Variants in ZMYM6 observed in about 807,000 individuals in gnomAD.
The protein encoded by ZMYM6 is zinc finger MYM-type protein 6.
In ZMYM6, 90 loss-of-function variants were observed where a neutral mutation model predicts 134.0. The observed-to-expected ratio is 0.67, with a 90% CI of 0.57 to 0.80. The LOEUF (loss-of-function observed/expected upper bound fraction) is 0.80, where lower values mean the gene tolerates loss of function less well. Ranked by LOEUF, ZMYM6 falls within the 30% of genes least tolerant of loss-of-function variation. The pLI is 0.00. For missense variants in ZMYM6, 1,362 were observed against 1,533.9 expected (o/e 0.89, Z 1.87); for synonymous variants, 481 against 524.1 (o/e 0.92, Z 1.12).
At position 35,030,562 on chromosome 1, in the gene ZMYM6, T is replaced by A; in HGVS notation, c.78A>T (p.Glu26Asp). The A allele has an allele frequency of 2.5e-6, 4 of 1,612,692 alleles. No individual in the cohort carries two copies. The highest frequency in any genetic ancestry group is 3.4e-6 in the Non-Finnish European group (4 of 1,179,856). The change falls in exon 2 of 16, where the codon GAA becomes GAT. Residue 26 changes from glutamate to aspartate, a missense_variant. This residue lies in a region of ZMYM6 where 503 missense variants were observed against 520.8 expected (regional missense o/e 0.97). Coordinates refer to ENST00000357182, the MANE Select transcript of ZMYM6 (RefSeq NM_007167.4). Reference sequence around the variant, plus strand: ...AAATGCTTACTTGAGCATTGTCTGGTTCTTCTTTAATTTTGTCCAGAAGCT... The same window carrying A: ...AAATGCTTACTTGAGCATTGTCTGGATCTTCTTTAATTTTGTCCAGAAGCT... ...QQELLDKIKE[E>D]PDNAQEYGCV...
Position 34,987,060 on chromosome 1 carries a change from T to A in ZMYM6, c.*44A>T. On this transcript the variant is annotated 3_prime_UTR_variant, in exon 16 of 16. Coordinates refer to ENST00000357182, the MANE Select transcript of ZMYM6 (RefSeq NM_007167.4). ...TCTTTTAGGATACTTATACAAAACT[T>A]AACACAGGATTATTGACTTCACTGT... 7.5e-7 allele frequency: 1 copy of A among 1,332,086 alleles called. No individual in the cohort carries two copies. The highest frequency in any genetic ancestry group is 9.9e-7 in the Non-Finnish European group (1 of 1,006,788). 82.5% of individuals were successfully genotyped at this position (1,332,086 alleles called of 1,614,324 possible).
At chr1:35,015,278 A>G in intron 4 of ZMYM6, 116 bp from the exon 5 acceptor site, 1 of 1,020,982 alleles carries the variant, frequency 9.8e-7, no homozygotes, top group Non-Finnish European at 1.4e-6. Context: ...TAGAAAAAGG[A>G]TAAGGAATCT....
At position 35,007,090 on chromosome 1, in the gene ZMYM6, C is replaced by T. The variant is rs369377351; in HGVS notation, c.1674G>A (p.Lys558=). 4 of 1,594,690 alleles carry T rather than the reference C, an allele frequency of 2.5e-6. No individual in the cohort carries two copies. In the African/African-American group the frequency reaches 4.1e-5, roughly 16 times the overall value. ...TACCCTGTCGTTTACAACCATCACACTTGGCCATCTGAAAAAGAAATGTTA... is the reference window on the plus strand; with the variant it reads ...TACCCTGTCGTTTACAACCATCACATTTGGCCATCTGAAAAAGAAATGTTA... ...KFTVLFYQMA[K]CDGCKRQGKL... is the part of the protein sequence containing the mutation. The change falls in exon 12 of 16, where the codon AAG becomes AAA. Residue 558 remains lysine, a synonymous_variant. Coordinates refer to ENST00000357182, the MANE Select transcript of ZMYM6 (RefSeq NM_007167.4).
intron 14 of ZMYM6, among the ~76,000 whole-genome samples, chr1:34,999,383 A>G (rs1041077276): frequency 6.6e-6 from 1 of 152,200 alleles, no homozygotes; most frequent in African/African-American, 2.4e-5. Context: ...AGAGGTGGCA[A>G]GAACAGGCTA....
chr1:34,999,324 AC>A (rs1363133052), intron 14 of ZMYM6, among the ~76,000 whole-genome samples: 2 of 152,224 alleles, frequency 1.3e-5, no homozygotes, highest in African/African-American at 4.8e-5. Context: ...AGTGGTGCAG[AC>A]AAAAGCCTGA....
At position 35,012,506 on chromosome 1, in the gene ZMYM6, C is replaced by A. The variant is rs747574267; in HGVS notation, c.871G>T (p.Asp291Tyr). The A allele has an allele frequency of 1.9e-6, 3 of 1,613,068 alleles. No homozygotes were observed. The highest frequency in any genetic ancestry group is 2.5e-6 in the Non-Finnish European group (3 of 1,179,598). Residue 291 changes from aspartate to tyrosine, a missense_variant, in exon 7 of 16, where the codon GAT (aspartate) becomes TAT (tyrosine). Physicochemically the swap from Asp to Tyr is radical, Grantham distance 160. This residue lies in a region of ZMYM6 where 503 missense variants were observed against 520.8 expected (regional missense o/e 0.97). Coordinates refer to ENST00000357182, the MANE Select transcript of ZMYM6 (RefSeq NM_007167.4). ...CAGAAAAGCTCTGTTTTTCCTGAATCATTTGTAGTCTCAATCATTTCAGCT... is the reference window on the plus strand; with the variant it reads ...CAGAAAAGCTCTGTTTTTCCTGAATAATTTGTAGTCTCAATCATTTCAGCT... ...PSAEMIETTNDSGKTELFCSI... is the reference protein window; with the variant it reads ...PSAEMIETTNYSGKTELFCSI...
At chr1:35,006,829 T>C in intron 12 of ZMYM6, 122 bp downstream of exon 12, 1 of 1,004,422 alleles carries the variant, frequency 1.0e-6, no homozygotes, top group South Asian at 4.4e-5. Flanking sequence ...AAGAAAAATT[T>C]AAGGAAATTC....
intron 14 of ZMYM6, among the ~76,000 whole-genome samples, chr1:34,998,887 T>C (rs1640832238): frequency 6.6e-6 from 1 of 152,052 alleles, no homozygotes; most frequent in African/African-American, 2.4e-5. Flanking sequence ...TTTGGGAGGC[T>C]GAGGCGGGAG....
At chr1:35,025,207 G>A (rs1641386370) in intron 2 of ZMYM6, among the ~76,000 whole-genome samples, 1 of 151,518 alleles carries the variant, frequency 6.6e-6, no homozygotes, top group Non-Finnish European at 1.5e-5. Context: ...GCACAGGCCA[G>A]GCACGGTGGC....
rs571566516 is a variant in ZMYM6, at chr1:35,021,307, AT to A, written c.94-841del. The stretch of plus-strand genomic sequence containing the variant: ...AGGCTTGCGCTACCACACCCGGCGA[AT>A]TTTTGTGTTTTTTTCCAGTAGAGAA... On this transcript the variant is annotated intron_variant, in intron 2 of 15. Transcript: ENST00000357182. Among the ~76,000 whole-genome samples, 255 of 151,804 alleles carry A rather than the reference AT, an allele frequency of 1.7e-3. 3 individuals carry two copies. Among genetic ancestry groups the A allele is most frequent in the African/African-American group, 5.8e-3 (240 of 41,414 alleles).
intron 14 of ZMYM6, among the ~76,000 whole-genome samples, chr1:34,995,035 AATAT>A (rs200630779): frequency 2.6e-4 from 30 of 115,694 alleles, no homozygotes; most frequent in East Asian, 8.1e-4. Context: ...ATATATATGT[AATAT>A]ATATACTTAC....
In ZMYM6 at chr1:34,988,852, A is replaced by G; in HGVS notation, c.2230T>C (p.Tyr744His). 3 of 1,599,640 alleles carry G rather than the reference A, an allele frequency of 1.9e-6. No homozygotes were observed. The highest frequency in any genetic ancestry group is 2.6e-6 in the Non-Finnish European group (3 of 1,171,384). The change falls in exon 16 of 16, where the codon TAT (tyrosine) becomes CAT (histidine). Residue 744 changes from tyrosine to histidine, a missense_variant. By Grantham distance (83) the Tyr-to-His change is moderately conservative. This residue lies in a region of ZMYM6 where 824 missense variants were observed against 940.9 expected (regional missense o/e 0.88). Coordinates refer to ENST00000357182, the MANE Select transcript of ZMYM6 (RefSeq NM_007167.4). ...KKKRLGFFQT[Y>H]DTEYLKVGFI... ...CCAACTTTTAAATATTCTGTATCAT[A>G]AGTCTGGAAAAAACCTAATCTTTTT...
At chr1:35,030,383 G>A (rs1391375275) in intron 2 of ZMYM6, 164 bp downstream of exon 2, 6 of 636,550 alleles carry the variant, frequency 9.4e-6, no homozygotes, top group Non-Finnish European at 1.3e-5. Flanking sequence ...AGTGAGCTAA[G>A]GAGATCGCAC....
rs1202523198 is a variant in ZMYM6, at chr1:34,989,026, G to C, written c.2147-91C>G. The C allele has an allele frequency of 2.6e-6, 4 of 1,516,780 alleles. No individual in the cohort carries two copies. The East Asian group carries it at 6.9e-5, about 26-fold the overall frequency. 94.0% of individuals were successfully genotyped at this position (1,516,780 alleles called of 1,614,324 possible). A position where few individuals can be genotyped will look rare whatever the true frequency, so the allele number is the denominator to read the frequency against. On this transcript the variant is annotated intron_variant, in intron 15 of 15. Coordinates refer to ENST00000357182, the MANE Select transcript of ZMYM6 (RefSeq NM_007167.4). ...CCCACATATTTAAAATTCATATTTT[G>C]TTACTATTTCTATTTATCAAAAGAA...
chr1:34,989,044 C>T (rs1640621041), intron 15 of ZMYM6, 109 bp from the exon 16 acceptor site: 10 of 1,494,872 alleles, frequency 6.7e-6, no homozygotes, highest in Non-Finnish European at 8.8e-6. Context: ...TTCTATTTAT[C>T]AAAAGAATGC....
At chr1:35,004,832 T>C (rs1569762960) in intron 13 of ZMYM6, among the ~76,000 whole-genome samples, 1 of 151,734 alleles carries the variant, frequency 6.6e-6, no homozygotes, top group African/African-American at 2.4e-5. Flanking sequence ...CCGAGGCAGG[T>C]GGCTCACCTG....
In ZMYM6 at chr1:35,004,118, C is replaced by T. The variant is rs1057407088; in HGVS notation, c.1955-113G>A. 3.3e-6 allele frequency: 3 copies of T among 905,250 alleles called. No homozygotes were observed. The African/African-American group carries it at 5.2e-5, about 16-fold the overall frequency. 56.1% of individuals were successfully genotyped at this position (905,250 alleles called of 1,614,324 possible). ...TGGGCTAGAGTCTAAACCAGAGTTT[C>T]TCAGAAAAATGGTACAAGGAAACTG... On this transcript the variant is annotated intron_variant, in intron 13 of 15. Coordinates refer to ENST00000357182, the MANE Select transcript of ZMYM6 (RefSeq NM_007167.4).
At chr1:35,001,277 T>G (rs1013161412) in intron 14 of ZMYM6, among the ~76,000 whole-genome samples, 6 of 151,834 alleles carry the variant, frequency 4.0e-5, no homozygotes, top group East Asian at 1.9e-4. Flanking sequence ...GGTGTTTTTT[T>G]TTTTTTTTTT....
At chr1:35,023,345 G>A (rs1641346802) in intron 2 of ZMYM6, among the ~76,000 whole-genome samples, 1 of 152,118 alleles carries the variant, frequency 6.6e-6, no homozygotes, top group African/African-American at 2.4e-5. Context: ...GACCTCAGGT[G>A]ATCTGCCCGC....
Sources: gnomAD v4.1 joint callset for allele counts (sites outside exome capture counted in the v4.1 genomes callset) on GRCh38, gnomAD v4.1.1 for gene constraint, gnomAD v4.1.1 regional missense constraint, MANE v1.5 for transcripts, NCBI Gene and HGNC (gene_info 2026-07-23, HGNC 2026-07-21) for gene names.